TBC1D23: variants seen among roughly 807,000 people sequenced by gnomAD.
TBC1D23 encodes the protein TBC1 domain family member 23.
A neutral mutation model predicts 91.4 loss-of-function variants in TBC1D23; 55 were observed. That is an observed-to-expected ratio of 0.60 (90% CI 0.48 to 0.75). TBC1D23 has a LOEUF of 0.75. Ranked by LOEUF, TBC1D23 falls within the 30% of genes least tolerant of loss-of-function variation. The probability of loss-of-function intolerance (pLI) is 0.00; values close to 1 mark genes in which losing one functional copy is unlikely to be tolerated. For missense variants in TBC1D23, 725 were observed against 836.1 expected, an observed-to-expected ratio of 0.87 and a Z score of 1.64; for synonymous variants, 289 against 281.0, an observed-to-expected ratio of 1.03 and a Z score of -0.28.
intron 1 of TBC1D23, among the ~76,000 whole-genome samples, chr3:100,263,700 T>C (rs1406743466): frequency 2.0e-5 from 3 of 152,182 alleles, no homozygotes; most frequent in Non-Finnish European, 2.9e-5. Context: ...ACCTAGCTGG[T>C]TATAGCCTGA....
chr3:100,293,492 A>G (rs991324095), intron 5 of TBC1D23, among the ~76,000 whole-genome samples: 9 of 152,202 alleles, frequency 5.9e-5, no homozygotes, highest in African/African-American at 1.9e-4. Flanking sequence ...TTTAAGTATC[A>G]TGAGATGAAA....
intron 9 of TBC1D23, 103 bp downstream of exon 9, chr3:100,298,148 C>G: frequency 1.0e-6 from 1 of 989,488 alleles, no homozygotes; most frequent in Non-Finnish European, 1.5e-6. Context: ...TTTACTGCAA[C>G]AAGGTGGCTC....
rs141581918 is a variant in TBC1D23, at chr3:100,279,464, T to C, written c.54-185T>C. ...AAACTAAGGGTAAAATGAGAGTAAA[T>C]TGACTGTATGAAGCCTGAGATTTCC... On this transcript the variant is annotated intron_variant, in intron 1 of 18. Transcript: ENST00000394144. The C allele has an allele frequency of 4.8e-3, 2,010 of 422,596 alleles. 3 individuals carry two copies. The highest frequency in any genetic ancestry group is 7.2e-3 in the Middle Eastern group (11 of 1,530). The allele number at this position is 422,596 out of a possible 1,614,324, so 26.2% of individuals were successfully genotyped here. A position where few individuals can be genotyped will look rare whatever the true frequency, so the allele number is the denominator to read the frequency against.
chr3:100,299,309 C>T lies in TBC1D23; in HGVS notation c.1070C>T (p.Ala357Val). 6.2e-7 allele frequency: 1 copy of T among 1,610,616 alleles called. No homozygotes were observed. The highest frequency in any genetic ancestry group is 8.5e-7 in the Non-Finnish European group (1 of 1,177,240). Residue 357 changes from alanine to valine, a missense_variant, in exon 10 of 19, where the codon GCT becomes GTT. Coordinates refer to ENST00000394144, the MANE Select transcript of TBC1D23 (RefSeq NM_001199198.3). ...TATAATGCTGGGCATTTATCAACTG[C>T]TTTCCACTTAGATTCAGACCTGGTT... is the stretch of plus-strand genomic sequence containing the variant. ...EQYNAGHLSTAFHLDSDLMLQ... is the reference protein window; with the variant it reads ...EQYNAGHLSTVFHLDSDLMLQ...
intron 1 of TBC1D23, among the ~76,000 whole-genome samples, chr3:100,265,409 A>G (rs1319667495): frequency 6.6e-6 from 1 of 152,250 alleles, no homozygotes; most frequent in African/African-American, 2.4e-5. Context: ...GGGTGTGGTG[A>G]AATTCTTGTA....
chr3:100,264,557 TGTG>T (rs1005146323), intron 1 of TBC1D23, among the ~76,000 whole-genome samples: 1 of 152,204 alleles, frequency 6.6e-6, no homozygotes, highest in African/African-American at 2.4e-5. Flanking sequence ...GTTATTGTAA[TGTG>T]GTGAGACTTT....
At chr3:100,304,482 CT>C (rs2148865987) in intron 11 of TBC1D23, among the ~76,000 whole-genome samples, 1 of 151,796 alleles carries the variant, frequency 6.6e-6, no homozygotes, top group African/African-American at 2.4e-5. Context: ...TTTATATTAT[CT>C]TTTAATAAAG....
chr3:100,289,900 A>C (rs2067775162), intron 4 of TBC1D23, among the ~76,000 whole-genome samples: 2 of 152,212 alleles, frequency 1.3e-5, no homozygotes, highest in Non-Finnish European at 2.9e-5. Context: ...AGTCTCTGAC[A>C]GGAAAAGGTA....
chr3:100,319,337 C>A, intron 17 of TBC1D23, 133 bp downstream of exon 17: 1 of 734,214 alleles, frequency 1.4e-6, no homozygotes, highest in South Asian at 2.0e-5. Context: ...ACTTGTATTA[C>A]AGGTCTTGAA....
chr3:100,269,824 G>A (rs1270358297), intron 1 of TBC1D23, among the ~76,000 whole-genome samples: 1 of 152,138 alleles, frequency 6.6e-6, no homozygotes, highest in East Asian at 1.9e-4. Flanking sequence ...AAATGTGGTG[G>A]CACAAATTAA....
At chr3:100,321,797 G>T (rs1705862208) in intron 18 of TBC1D23, among the ~76,000 whole-genome samples, 1 of 148,666 alleles carries the variant, frequency 6.7e-6, no homozygotes, top group African/African-American at 2.5e-5. Flanking sequence ...ACTGTTTTAT[G>T]TAATTTGTTA....
At chr3:100,298,584 A>G (rs1236861429) in intron 9 of TBC1D23, among the ~76,000 whole-genome samples, 1 of 152,202 alleles carries the variant, frequency 6.6e-6, no homozygotes, top group African/African-American at 2.4e-5. Flanking sequence ...TCCAAGGTTG[A>G]GGGCAGGAAA....
intron 4 of TBC1D23, chr3:100,284,037 A>T: frequency 2.2e-6 from 1 of 459,830 alleles, no homozygotes; most frequent in South Asian, 4.0e-5. Flanking sequence ...CTGGGGTTGG[A>T]GTTGGGGAGG....
At chr3:100,273,684 G>A (rs2067621800) in intron 1 of TBC1D23, among the ~76,000 whole-genome samples, 1 of 152,104 alleles carries the variant, frequency 6.6e-6, no homozygotes, top group African/African-American at 2.4e-5. Flanking sequence ...ATAGACCAGT[G>A]GAACAGAACA....
chr3:100,277,176 A>C (rs967764070), intron 1 of TBC1D23, among the ~76,000 whole-genome samples: 1 of 152,186 alleles, frequency 6.6e-6, no homozygotes, highest in Non-Finnish European at 1.5e-5. Context: ...TCTATTTGGG[A>C]GCTAAATGCT....
intron 8 of TBC1D23, among the ~76,000 whole-genome samples, chr3:100,297,331 T>G (rs1279765074): frequency 6.6e-6 from 1 of 152,222 alleles, no homozygotes; most frequent in Non-Finnish European, 1.5e-5. Flanking sequence ...AAATAACTAA[T>G]TTAAAAAGAC....
intron 12 of TBC1D23, among the ~76,000 whole-genome samples, chr3:100,305,807 T>G (rs973285165): frequency 1.3e-5 from 2 of 152,204 alleles, no homozygotes; most frequent in Non-Finnish European, 2.9e-5. Context: ...GGGGTTATTT[T>G]AATAAGTAGT....
chr3:100,299,599 T>A (rs1705379969), intron 10 of TBC1D23, among the ~76,000 whole-genome samples: 1 of 152,140 alleles, frequency 6.6e-6, no homozygotes, highest in African/African-American at 2.4e-5. Context: ...AACCTCTGCC[T>A]CCTGGGTTCA....
At chr3:100,272,711 G>A (rs1211328216) in intron 1 of TBC1D23, among the ~76,000 whole-genome samples, 3 of 152,132 alleles carry the variant, frequency 2.0e-5, no homozygotes, top group African/African-American at 7.2e-5. Context: ...ATGTGGCAGG[G>A]TCATAGGATA....
Sources: gnomAD v4.1 joint callset for allele counts (sites outside exome capture counted in the v4.1 genomes callset) on GRCh38, gnomAD v4.1.1 for gene constraint, MANE v1.5 for transcripts, NCBI Gene and HGNC (gene_info 2026-07-23, HGNC 2026-07-21) for gene names.